MYO1D: variants seen among roughly 807,000 people sequenced by gnomAD.
MYO1D encodes the protein myosin ID.
Under a neutral mutation model 122.0 loss-of-function variants are expected in MYO1D, and 83 were observed. That is an observed-to-expected ratio of 0.68 (90% CI 0.57 to 0.82). The LOEUF (loss-of-function observed/expected upper bound fraction) is 0.82. Among genes scored for constraint, MYO1D ranks in the 40% least tolerant of loss-of-function variants. The pLI, the probability that MYO1D is intolerant of heterozygous loss-of-function variation, is 0.00. For missense variants in MYO1D, 1,157 were observed against 1,269.5 expected (o/e 0.91, Z 1.35); for synonymous variants, 464 against 446.9 (o/e 1.04, Z -0.48).
intron 21 of MYO1D, among the ~76,000 whole-genome samples, chr17:32,593,355 C>T (rs1287584821): frequency 6.6e-6 from 1 of 152,156 alleles, no homozygotes; most frequent in East Asian, 1.9e-4. Context: ...ACAGCTGTTC[C>T]TCCTCCAGAG....
At chr17:32,551,904 C>G (rs998818197) in intron 21 of MYO1D, among the ~76,000 whole-genome samples, 2 of 152,116 alleles carry the variant, frequency 1.3e-5, no homozygotes, top group African/African-American at 4.8e-5. Context: ...CTGCTTTGTC[C>G]TTAGCCTAGA....
At chr17:32,690,810 T>G (rs1462436152) in intron 16 of MYO1D, among the ~76,000 whole-genome samples, 2 of 152,200 alleles carry the variant, frequency 1.3e-5, no homozygotes, top group East Asian at 1.9e-4. Flanking sequence ...TGCAGAACCA[T>G]CAGCCAATTA....
intron 11 of MYO1D, among the ~76,000 whole-genome samples, chr17:32,751,411 G>C (rs7212289): frequency 0.044 from 6,651 of 152,104 alleles, 472 homozygotes; most frequent in African/African-American, 0.15. Flanking sequence ...CAAAGAAGAA[G>C]ACATTTAAAA....
chr17:32,785,413 T>C (rs2090283313), intron 1 of MYO1D, among the ~76,000 whole-genome samples: 1 of 152,238 alleles, frequency 6.6e-6, no homozygotes, highest in African/African-American at 2.4e-5. Flanking sequence ...TGAATAGGTG[T>C]TGCTTAATCA....
chr17:32,583,688 A>C (rs113907475), intron 21 of MYO1D, among the ~76,000 whole-genome samples: 5 of 151,580 alleles, frequency 3.3e-5, no homozygotes, highest in African/African-American at 1.2e-4. Flanking sequence ...TTAATATCAG[A>C]CATCATAGTT....
intron 1 of MYO1D, among the ~76,000 whole-genome samples, chr17:32,839,895 T>C (rs1171287305): frequency 1.3e-5 from 2 of 152,210 alleles, no homozygotes; most frequent in Non-Finnish European, 2.9e-5. Context: ...CTGACAAAAC[T>C]ACCAGACACA....
At chr17:32,717,524 C>G (rs2089463352) in intron 15 of MYO1D, among the ~76,000 whole-genome samples, 1 of 152,178 alleles carries the variant, frequency 6.6e-6, no homozygotes, top group Non-Finnish European at 1.5e-5. Context: ...GAAGTATATC[C>G]TCTAGAAGAT....
chr17:32,682,981 C>T (rs1365892259), intron 16 of MYO1D, among the ~76,000 whole-genome samples: 12 of 110,520 alleles, frequency 1.1e-4, no homozygotes, highest in East Asian at 2.6e-4. Context: ...CTTCCCTTCT[C>T]GCTTCATTTC....
intron 21 of MYO1D, among the ~76,000 whole-genome samples, chr17:32,592,318 A>G (rs8066781): frequency 0.46 from 70,257 of 152,028 alleles, 16,772 homozygotes; most frequent in Middle Eastern, 0.58. Flanking sequence ...TGCCATCTCT[A>G]TAGTTTTACC....
intron 16 of MYO1D, among the ~76,000 whole-genome samples, chr17:32,681,819 T>C (rs2088921844): frequency 7.3e-6 from 1 of 136,894 alleles, no homozygotes; most frequent in Admixed American, 7.3e-5. Context: ...TGACTTTCTG[T>C]CTCGTTGATC....
At position 32,872,690 on chromosome 17, in the gene MYO1D, A is replaced by ATT. The variant is rs780676467; in HGVS notation, c.95+4086_95+4087dup. 2.7e-3 allele frequency among the ~76,000 whole-genome samples: 372 copies of ATT among 136,338 alleles called. 1 individual carries two copies. Among genetic ancestry groups the ATT allele is most frequent in the African/African-American group, 8.6e-3 (321 of 37,206 alleles). The allele number at this position is 136,338 out of a possible 152,430, so 89.4% of individuals were successfully genotyped here. On this transcript the variant is annotated intron_variant, in intron 1 of 21. Coordinates refer to ENST00000318217, the MANE Select transcript of MYO1D (RefSeq NM_015194.3). ...CCCATCCAGACACACATCTAGGTCA[A>ATT]TTTTTTTTTTTTTTTTTGAGACGGA... is the stretch of plus-strand genomic sequence containing the variant.
chr17:32,587,496 G>C (rs969336031), intron 21 of MYO1D, among the ~76,000 whole-genome samples: 1 of 144,530 alleles, frequency 6.9e-6, no homozygotes, highest in Admixed American at 7.1e-5. Flanking sequence ...TGGGTGACAA[G>C]AGTGAAACTC....
chr17:32,579,133 G>A (rs1027546263), intron 21 of MYO1D, among the ~76,000 whole-genome samples: 4 of 152,040 alleles, frequency 2.6e-5, no homozygotes, highest in African/African-American at 9.7e-5. Context: ...CGGTGGAATG[G>A]TCACAGCTCA....
chr17:32,781,397 C>A lies in MYO1D; in HGVS notation c.96-613G>T, dbSNP rs2090236848. Among the ~76,000 whole-genome samples, 3 of 152,134 alleles carry A rather than the reference C, an allele frequency of 2.0e-5. No homozygotes were observed. In the South Asian group the frequency reaches 6.2e-4, roughly 32 times the overall value. On this transcript the variant is annotated intron_variant, in intron 1 of 21. Coordinates refer to ENST00000318217, the MANE Select transcript of MYO1D (RefSeq NM_015194.3). ...TCCTTCCTGCTTTCTATGAACAATA[C>A]TGCAGAAAACACTCTTGATACATAA... is the stretch of plus-strand genomic sequence containing the variant.
chr17:32,817,315 G>A (rs1440936291), intron 1 of MYO1D, among the ~76,000 whole-genome samples: 1 of 152,146 alleles, frequency 6.6e-6, no homozygotes, highest in Non-Finnish European at 1.5e-5. Flanking sequence ...GAAGACTGAA[G>A]CTTCTTTATG....
chr17:32,677,414 A>G (rs767155081), intron 16 of MYO1D, among the ~76,000 whole-genome samples: 3 of 152,012 alleles, frequency 2.0e-5, no homozygotes, highest in Non-Finnish European at 4.4e-5. Flanking sequence ...TTTTGGCTAC[A>G]GATGATGAAG....
chr17:32,767,630 A>G lies in MYO1D; in HGVS notation c.831+6T>C, dbSNP rs781078818. The G allele has an allele frequency of 1.3e-6, 2 of 1,560,274 alleles. No homozygotes were observed. Among genetic ancestry groups the G allele is most frequent in the Admixed American group, 3.4e-5 (2 of 59,674 alleles). ...ACAATACATTCTGAGAGGTGTCCCTACTCACCAAGTGCAGAATAGCAGCCA... is the reference window on the plus strand; with the variant it reads ...ACAATACATTCTGAGAGGTGTCCCTGCTCACCAAGTGCAGAATAGCAGCCA... On this transcript the variant is annotated splice_donor_region_variant and intron_variant, in intron 7 of 21. Coordinates refer to ENST00000318217, the MANE Select transcript of MYO1D (RefSeq NM_015194.3).
chr17:32,512,177 G>A (rs552359571), intron 21 of MYO1D, among the ~76,000 whole-genome samples: 1 of 152,228 alleles, frequency 6.6e-6, no homozygotes, highest in African/African-American at 2.4e-5. Flanking sequence ...GTGCATGCCT[G>A]TAATCCCAGC....
intron 1 of MYO1D, among the ~76,000 whole-genome samples, chr17:32,840,409 C>A (rs201327633): frequency 6.9e-6 from 1 of 144,264 alleles, no homozygotes; most frequent in Non-Finnish European, 1.5e-5. Context: ...CAGCTTTTTA[C>A]CTGGGTTCAG....
Sources: gnomAD v4.1 joint callset for allele counts (sites outside exome capture counted in the v4.1 genomes callset) on GRCh38, gnomAD v4.1.1 for gene constraint, MANE v1.5 for transcripts, NCBI Gene and HGNC (gene_info 2026-07-23, HGNC 2026-07-21) for gene names.